The following TTC33 variants were observed in gnomAD, a reference collection of about 807,000 sequenced individuals.
TTC33 encodes the protein tetratricopeptide repeat domain 33, also known as tetratricopeptide repeat protein 33.
A neutral mutation model predicts 29.4 loss-of-function variants in TTC33; 24 were observed. The observed-to-expected ratio is 0.82, with a 90% CI of 0.59 to 1.15. The LOEUF is 1.15. TTC33 is among the 50% of genes most tolerant of loss of function. The pLI is 0.00. For missense variants in TTC33, 286 were observed against 310.4 expected (o/e 0.92, Z 0.59); for synonymous variants, 107 against 100.3 (o/e 1.07, Z -0.40).
chr5:40,738,529 C>A (rs369043430), intron 2 of TTC33, among the ~76,000 whole-genome samples: 1,256 of 81,406 alleles, frequency 0.015, 32 homozygotes, highest in African/African-American at 0.044. Flanking sequence ...AAATAAAATA[C>A]AATAAAATAC....
At chr5:40,737,936 A>G (rs1004435822) in intron 2 of TTC33, among the ~76,000 whole-genome samples, 3 of 152,190 alleles carry the variant, frequency 2.0e-5, no homozygotes, top group African/African-American at 7.2e-5. Context: ...GATATACCAC[A>G]ATTTATTCAT....
At position 40,747,332 on chromosome 5, in the gene TTC33, A is replaced by G. The variant is rs376521942; in HGVS notation, c.-1-313T>C. On this transcript the variant is annotated intron_variant, in intron 1 of 4. Coordinates refer to ENST00000337702, the MANE Select transcript of TTC33 (RefSeq NM_012382.3). ...CTCGGTCTCCCAAAGTGCTGGGATT[A>G]CAAGCATGAGCCACCACGCCCGGCC... Among the ~76,000 whole-genome samples, 14 of 152,258 alleles carry G rather than the reference A, an allele frequency of 9.2e-5. No individual in the cohort carries two copies. In the East Asian group the frequency reaches 9.6e-4, roughly 10 times the overall value.
chr5:40,727,941 T>C (rs979834023), intron 4 of TTC33, among the ~76,000 whole-genome samples: 1 of 152,170 alleles, frequency 6.6e-6, no homozygotes, highest in Admixed American at 6.5e-5. Context: ...GTTTTTTGTA[T>C]AGACTTGATA....
chr5:40,753,237 G>T (rs1386573683), intron 1 of TTC33, among the ~76,000 whole-genome samples: 1 of 152,028 alleles, frequency 6.6e-6, no homozygotes, highest in African/African-American at 2.4e-5. Flanking sequence ...GGTGGCACAT[G>T]CCTGTAATCC....
At chr5:40,722,330 C>T (rs1489865582) in intron 4 of TTC33, among the ~76,000 whole-genome samples, 2 of 152,168 alleles carry the variant, frequency 1.3e-5, no homozygotes, top group Non-Finnish European at 2.9e-5. Context: ...GCCGCCACCC[C>T]GTCTAGGAAG....
At chr5:40,755,264 C>A (rs1421012429) in intron 1 of TTC33, among the ~76,000 whole-genome samples, 1 of 152,178 alleles carries the variant, frequency 6.6e-6, no homozygotes, top group South Asian at 2.1e-4. Context: ...AAAACCACTA[C>A]ATGAACAAGA....
chr5:40,744,419 T>C (rs1742753562), intron 2 of TTC33, among the ~76,000 whole-genome samples: 1 of 151,346 alleles, frequency 6.6e-6, no homozygotes, highest in Admixed American at 6.6e-5. Flanking sequence ...AGCTAATATA[T>C]TGGTTCCTCA....
At chr5:40,747,060 ATCT>A in intron 1 of TTC33, 41 bp from the exon 2 acceptor site, 3 of 1,538,550 alleles carry the variant, frequency 1.9e-6, no homozygotes, top group Non-Finnish European at 2.6e-6. Context: ...TTCTAACTTG[ATCT>A]TTTTTTTTTT....
intron 2 of TTC33, among the ~76,000 whole-genome samples, chr5:40,742,482 G>C (rs1472373992): frequency 6.6e-6 from 1 of 152,172 alleles, no homozygotes; most frequent in African/African-American, 2.4e-5. Context: ...TGAATAACTT[G>C]CCTAATATTG....
In TTC33 at chr5:40,716,443, C is replaced by T. The variant is rs1293706323; in HGVS notation, c.491G>A (p.Trp164Ter). 6.2e-7 allele frequency: 1 copy of T among 1,613,598 alleles called. No homozygotes were observed. The highest frequency in any genetic ancestry group is 8.5e-7 in the Non-Finnish European group (1 of 1,180,000). The change falls in exon 5 of 5, where the codon TGG (tryptophan) becomes TAG (stop). Residue 164 changes from tryptophan (W) to a stop codon, truncating the protein, a stop_gained. Transcript: ENST00000337702. LOFTEE classifies it high-confidence loss of function. ...LHIYPMNPEI[W>*]KEDLSWARTL... is the part of the protein sequence containing the mutation. The stretch of plus-strand genomic sequence containing the variant: ...TCTTGCCCAAGAGAGGTCTTCTTTC[C>T]ATATTTCAGGGTTCATTGGATAGAT...
intron 2 of TTC33, among the ~76,000 whole-genome samples, chr5:40,730,889 A>G (rs1304737440): frequency 3.0e-4 from 46 of 152,152 alleles, no homozygotes; most frequent in Non-Finnish European, 5.9e-5. Context: ...TTTAACACCC[A>G]TTTCTGATTA....
intron 1 of TTC33, among the ~76,000 whole-genome samples, chr5:40,749,434 TAGAG>T (rs1332721349): frequency 6.6e-6 from 1 of 151,810 alleles, no homozygotes; most frequent in African/African-American, 2.4e-5. Context: ...AATGATCAAC[TAGAG>T]AAACAGAGAA....
At position 40,716,436 on chromosome 5, in the gene TTC33, T is replaced by G; in HGVS notation, c.498A>C (p.Glu166Asp). 1 of 1,613,800 alleles carries G rather than the reference T, an allele frequency of 6.2e-7. No individual in the cohort carries two copies. Among genetic ancestry groups the G allele is most frequent in the Non-Finnish European group, 8.5e-7 (1 of 1,180,030 alleles). Residue 166 changes from glutamate to aspartate, a missense_variant, in exon 5 of 5, where the codon GAA becomes GAC. Coordinates refer to ENST00000337702, the MANE Select transcript of TTC33 (RefSeq NM_012382.3). Reference sequence around the variant, plus strand: ...GGAGCGTTCTTGCCCAAGAGAGGTCTTCTTTCCATATTTCAGGGTTCATTG... The same window carrying G: ...GGAGCGTTCTTGCCCAAGAGAGGTCGTCTTTCCATATTTCAGGGTTCATTG... ...IYPMNPEIWK[E>D]DLSWARTLQE...
At chr5:40,724,365 T>C (rs1318703684) in intron 4 of TTC33, among the ~76,000 whole-genome samples, 1 of 152,152 alleles carries the variant, frequency 6.6e-6, no homozygotes, top group African/African-American at 2.4e-5. Context: ...CAAGGCACAG[T>C]GGCTCACGCC....
intron 1 of TTC33, among the ~76,000 whole-genome samples, chr5:40,754,970 T>C (rs1382426523): frequency 6.6e-6 from 1 of 152,228 alleles, no homozygotes; most frequent in Non-Finnish European, 1.5e-5. Context: ...TTCAACATCC[T>C]AGACTTAACA....
chr5:40,727,068 A>G (rs1390991207), intron 4 of TTC33, among the ~76,000 whole-genome samples: 4 of 152,184 alleles, frequency 2.6e-5, no homozygotes, highest in African/African-American at 9.6e-5. Context: ...ATTTTCTCAT[A>G]CAAATTCCTT....
chr5:40,732,497 T>C (rs1407836874), intron 2 of TTC33, among the ~76,000 whole-genome samples: 1 of 151,774 alleles, frequency 6.6e-6, no homozygotes, highest in African/African-American at 2.4e-5. Flanking sequence ...TAATTCCTCC[T>C]TGTATTTTTG....
rs1008772242 is a variant in TTC33, at chr5:40,728,466, G to A, written c.314C>T (p.Ser105Phe). Reference sequence around the variant, plus strand: ...TACTGCTGGGAACATTTCATGAAGAGACATTAGCACCTATAGGCAAAAAAA... The same window carrying A: ...TACTGCTGGGAACATTTCATGAAGAAACATTAGCACCTATAGGCAAAAAAA... ...LYEMKSQVLM[S>F]LHEMFPAVHA... Residue 105 changes from serine (S) to phenylalanine (F), a missense_variant, in exon 4 of 5, where the codon TCT (serine) becomes TTT (phenylalanine). By Grantham distance (155) the Ser-to-Phe change is radical. Coordinates refer to ENST00000337702, the MANE Select transcript of TTC33 (RefSeq NM_012382.3). 4 of 1,609,330 alleles carry A rather than the reference G, an allele frequency of 2.5e-6. No homozygotes were observed. In the African/African-American group the frequency reaches 5.4e-5, roughly 22 times the overall value.
At chr5:40,735,319 T>C (rs2111907582) in intron 2 of TTC33, among the ~76,000 whole-genome samples, 1 of 152,292 alleles carries the variant, frequency 6.6e-6, no homozygotes, top group Admixed American at 6.5e-5. Flanking sequence ...GAAGGCTAGA[T>C]ATGAGACAAC....
Sources: allele counts gnomAD v4.1 joint callset (sites outside exome capture counted in the v4.1 genomes callset), GRCh38; gene constraint gnomAD v4.1.1; transcripts MANE v1.5; gene names NCBI Gene and HGNC (gene_info 2026-07-23, HGNC 2026-07-21).